The following SPDEF variants were observed in gnomAD, a reference collection of about 807,000 sequenced individuals.
SPDEF encodes the protein SAM pointed domain containing ETS transcription factor.
In SPDEF, 12 loss-of-function variants were observed where a neutral mutation model predicts 36.0. The observed-to-expected ratio is 0.33, with a 90% CI of 0.21 to 0.54. SPDEF has a LOEUF of 0.54. SPDEF is among the 20% of genes least tolerant of loss of function. SPDEF has a pLI of 0.93. For missense variants in SPDEF, 388 were observed against 456.9 expected, an observed-to-expected ratio of 0.85 and a Z score of 1.37; for synonymous variants, 205 against 193.0, an observed-to-expected ratio of 1.06 and a Z score of -0.51.
At chr6:34,542,222 C>G (rs143290528) in intron 2 of SPDEF, among the ~76,000 whole-genome samples, 7 of 152,330 alleles carry the variant, frequency 4.6e-5, no homozygotes, top group African/African-American at 1.4e-4. Context: ...TGCATGAAGA[C>G]CCCTGCTTCC....
At position 34,538,781 on chromosome 6, in the gene SPDEF, G is replaced by A. The variant is rs968866788; in HGVS notation, c.830-329C>T. Among the ~76,000 whole-genome samples, 26 of 152,166 alleles carry A rather than the reference G, an allele frequency of 1.7e-4. No individual in the cohort carries two copies. Among genetic ancestry groups the A allele is most frequent in the Admixed American group, 1.3e-3 (20 of 15,290 alleles). ...GCAGGCCTGGCCCTTGCCAACTCCT[G>A]CTTCTGTGTGGGGTTTGCATGACCT... On this transcript the variant is annotated intron_variant, in intron 5 of 5. Transcript: ENST00000374037. The surrounding 1 kb of genome is among the most constrained non-coding windows in gnomAD (Gnocchi z 5.9).
In SPDEF at chr6:34,541,282, T is replaced by G. The variant is rs1053835262; in HGVS notation, c.437-101A>C. Reference sequence around the variant, plus strand: ...CCTGTGGCCTGAGACCATGTGCTCTTGGGGATGGGGATAGGTCAGCCCCAG... The same window carrying G: ...CCTGTGGCCTGAGACCATGTGCTCTGGGGGATGGGGATAGGTCAGCCCCAG... On this transcript the variant is annotated intron_variant, in intron 2 of 5. Coordinates refer to ENST00000374037, the MANE Select transcript of SPDEF (RefSeq NM_012391.3). 7 of 1,203,386 alleles carry G rather than the reference T, an allele frequency of 5.8e-6. No individual in the cohort carries two copies. In the African/African-American group the frequency reaches 1.1e-4, roughly 18 times the overall value. The allele number at this position is 1,203,386 out of a possible 1,614,324, so 74.5% of individuals were successfully genotyped here.
intron 1 of SPDEF, among the ~76,000 whole-genome samples, chr6:34,547,155 T>C (rs1469155775): frequency 6.6e-6 from 1 of 152,150 alleles, no homozygotes; most frequent in Non-Finnish European, 1.5e-5. Context: ...CAGAACTCGC[T>C]TCCCTTGTGG....
chr6:34,554,223 C>A (rs1189166712), intron 1 of SPDEF, among the ~76,000 whole-genome samples: 1 of 152,156 alleles, frequency 6.6e-6, no homozygotes, highest in African/African-American at 2.4e-5. Context: ...AGTCATTTAG[C>A]ACAAAACTGC....
chr6:34,539,281 G>T lies in SPDEF; in HGVS notation c.798C>A (p.Gly266=), dbSNP rs755969358. Residue 266 remains glycine, a synonymous_variant, in exon 5 of 6, where the codon GGC becomes GGA. Transcript: ENST00000374037. This position sits in a 1 kb window ranked among gnomAD's most constrained non-coding sequence, Gnocchi z 5.2. The part of the protein sequence containing the change: ...KELLLKPHSY[G]RFIRWLNKEK... ...CCTTGTTGAGCCACCTAATGAAGCG[G>T]CCATAGCTGTGGGGCTTGAGTAGCA... 2 of 1,613,918 alleles carry T rather than the reference G, an allele frequency of 1.2e-6. No individual in the cohort carries two copies. Among genetic ancestry groups the T allele is most frequent in the Admixed American group, 3.3e-5 (2 of 60,016 alleles).
At chr6:34,546,213 A>G (rs1767950482) in intron 1 of SPDEF, among the ~76,000 whole-genome samples, 1 of 152,004 alleles carries the variant, frequency 6.6e-6, no homozygotes, top group African/African-American at 2.4e-5. Flanking sequence ...TCTGGGGGAG[A>G]CTCCGCAGTC....
At chr6:34,543,195 C>CAAAAAAAAAAAAAAA (rs56021909) in intron 2 of SPDEF, among the ~76,000 whole-genome samples, 2 of 69,140 alleles carry the variant, frequency 2.9e-5, no homozygotes, top group African/African-American at 6.4e-5. Flanking sequence ...GACTCCATCT[C>CAAAAAAAAAAAAAAA]AAAAAAAAAA....
rs529778861 is a variant in SPDEF, at chr6:34,544,129, G to A, written c.327C>T (p.Pro109=). Residue 109 remains proline (P), a synonymous_variant, in exon 2 of 6, where the codon CCC becomes CCT. Transcript: ENST00000374037. This position sits in a 1 kb window ranked among gnomAD's most constrained non-coding sequence, Gnocchi z 4.4. ...AGTGCTCCTCCAAGGTCAGCCCGCC[G>A]GGCACCAAGTCCAGGCTGCCCGCTG... ...QAPAGSLDLV[P]GGLTLEEHSL... The A allele has an allele frequency of 4.6e-5, 75 of 1,613,808 alleles. No individual in the cohort carries two copies. Among genetic ancestry groups the A allele is most frequent in the South Asian group, 2.1e-4 (19 of 91,060 alleles).
intron 1 of SPDEF, among the ~76,000 whole-genome samples, chr6:34,545,043 G>A (rs138233450): frequency 2.6e-5 from 4 of 152,318 alleles, no homozygotes; most frequent in African/African-American, 4.8e-5. Context: ...CCCACACGCC[G>A]GGGAGTAGGC....
At chr6:34,547,116 G>A (rs1210629767) in intron 1 of SPDEF, among the ~76,000 whole-genome samples, 1 of 151,916 alleles carries the variant, frequency 6.6e-6, no homozygotes, top group African/African-American at 2.4e-5. Flanking sequence ...TGGGCGCCAT[G>A]CCAGGGAGAC....
At chr6:34,543,914 G>A in intron 2 of SPDEF, 106 bp downstream of exon 2, 2 of 1,124,818 alleles carry the variant, frequency 1.8e-6, no homozygotes, top group Non-Finnish European at 2.5e-6. Context: ...CCCGAGGCTG[G>A]GCCAGAGGTG....
intron 1 of SPDEF, among the ~76,000 whole-genome samples, chr6:34,553,673 G>T (rs114376286): frequency 0.011 from 1,704 of 152,184 alleles, 26 homozygotes; most frequent in African/African-American, 0.035. Context: ...AGCTGGAGAA[G>T]AGGAAAGAGA....
rs576435881 is a variant in SPDEF, at chr6:34,544,604, G to A, written c.-29-120C>T. The A allele has an allele frequency of 1.9e-4, 148 of 775,034 alleles. No homozygotes were observed. The African/African-American group carries it at 2.5e-3, about 13-fold the overall frequency. The allele number at this position is 775,034 out of a possible 1,614,324, so 48.0% of individuals were successfully genotyped here. The stretch of plus-strand genomic sequence containing the variant: ...GGGCTGGGCCTGGGACAGAGTTGGG[G>A]GCTTCCGGGTCATTGGGCAGCCACG... On this transcript the variant is annotated intron_variant, in intron 1 of 5. Transcript: ENST00000374037. The surrounding 1 kb of genome is among the most constrained non-coding windows in gnomAD (Gnocchi z 4.4).
chr6:34,539,504 G>T lies in SPDEF; in HGVS notation c.682+11C>A. On this transcript the variant is annotated intron_variant, in intron 4 of 5. Coordinates refer to ENST00000374037, the MANE Select transcript of SPDEF (RefSeq NM_012391.3). The surrounding 1 kb of genome is among the most constrained non-coding windows in gnomAD (Gnocchi z 5.2). ...GAGCCCCCGCCTCCACCCTGCCGCT[G>T]CCTGGCTCACCACAGTAGTGAATCG... 2 of 1,580,010 alleles carry T rather than the reference G, an allele frequency of 1.3e-6. No individual in the cohort carries two copies. Among genetic ancestry groups the T allele is most frequent in the African/African-American group, 1.3e-5 (1 of 74,386 alleles).
At chr6:34,545,116 G>A (rs1015285075) in intron 1 of SPDEF, among the ~76,000 whole-genome samples, 2 of 152,188 alleles carry the variant, frequency 1.3e-5, no homozygotes, top group African/African-American at 4.8e-5. Context: ...TCTCAAGGTG[G>A]CCACTGAGCA....
chr6:34,554,661 C>T (rs905891070), intron 1 of SPDEF, among the ~76,000 whole-genome samples: 1 of 152,226 alleles, frequency 6.6e-6, no homozygotes, highest in African/African-American at 2.4e-5. Context: ...GGTGGGACTC[C>T]AAGCTGGGGG....
intron 3 of SPDEF, 116 bp downstream of exon 3, chr6:34,540,868 G>A (rs749053276): frequency 5.8e-4 from 527 of 907,922 alleles, no homozygotes; most frequent in Non-Finnish European, 8.1e-4. Context: ...GATTCAGAGT[G>A]GAGTCCAGTT....
rs115831532 is a variant in SPDEF at position 34,543,410 on chromosome 6, G to A, written c.436+610C>T. Among the ~76,000 whole-genome samples the A allele has an allele frequency of 3.9e-3, 595 of 152,182 alleles. 4 individuals carry two copies. The highest frequency in any genetic ancestry group is 0.017 in the Middle Eastern group (5 of 294). On this transcript the variant is annotated intron_variant, in intron 2 of 5. Coordinates refer to ENST00000374037, the MANE Select transcript of SPDEF (RefSeq NM_012391.3). ...TGAGCGAGATCAACAGATATGGTGCGGCACGTCCGAGGAGTGTAAGTGCTA... is the reference window on the plus strand; with the variant it reads ...TGAGCGAGATCAACAGATATGGTGCAGCACGTCCGAGGAGTGTAAGTGCTA...
In SPDEF at chr6:34,550,826, G is replaced by A. The variant is rs373705734; in HGVS notation, c.-30+5103C>T. ...GGGGCACTGGAAGCCAAAGTGGAGCGCCAGGGGAACCCAGTGGTTTTTCTC... is the reference window on the plus strand; with the variant it reads ...GGGGCACTGGAAGCCAAAGTGGAGCACCAGGGGAACCCAGTGGTTTTTCTC... On this transcript the variant is annotated intron_variant, in intron 1 of 5. Transcript: ENST00000374037. Among the ~76,000 whole-genome samples, 7 of 152,266 alleles carry A rather than the reference G, an allele frequency of 4.6e-5. No homozygotes were observed. The East Asian group carries it at 7.7e-4, about 17-fold the overall frequency.
Sources: gnomAD v4.1 joint callset for allele counts (sites outside exome capture counted in the v4.1 genomes callset) on GRCh38, gnomAD v4.1.1 for gene constraint, Gnocchi (gnomAD v3.1) non-coding constraint, MANE v1.5 for transcripts, NCBI Gene and HGNC (gene_info 2026-07-23, HGNC 2026-07-21) for gene names.